Variants in NETO1 observed in about 807,000 individuals in gnomAD.
The protein encoded by NETO1 is neuropilin and tolloid-like protein 1.
A neutral mutation model predicts 61.3 loss-of-function variants in NETO1; 26 were observed. The ratio of observed to expected loss-of-function variants is 0.42; its 90% CI spans 0.31 to 0.59. The LOEUF is 0.59. Among genes scored for constraint, NETO1 ranks in the 20% least tolerant of loss-of-function variants. The pLI is 0.12. For synonymous variants in NETO1, 225 were observed against 225.8 expected (o/e 1.00, Z 0.03); for missense variants, 531 against 662.8 (o/e 0.80, Z 2.18).
At chr18:72,754,794 C>A (rs537554746) in intron 8 of NETO1, among the ~76,000 whole-genome samples, 1 of 152,280 alleles carries the variant, frequency 6.6e-6, no homozygotes, top group East Asian at 1.9e-4. Context: ...AAACAGAAGA[C>A]TTGAACAATG....
At chr18:72,770,480 G>A (rs2071318286) in intron 7 of NETO1, among the ~76,000 whole-genome samples, 1 of 151,952 alleles carries the variant, frequency 6.6e-6, no homozygotes, top group South Asian at 2.1e-4. Context: ...CACACATTCA[G>A]CAATTTTCTC....
At position 72,749,085 on chromosome 18, in the gene NETO1, G is replaced by A. The variant is rs748620374; in HGVS notation, c.1545C>T (p.Phe515=). The A allele has an allele frequency of 6.3e-7, 1 of 1,588,304 alleles. No homozygotes were observed. The highest frequency in any genetic ancestry group is 8.6e-7 in the Non-Finnish European group (1 of 1,156,852). Residue 515 remains phenylalanine, a synonymous_variant, in exon 10 of 11, where the codon TTC becomes TTT. Transcript: ENST00000327305. ...GTTTGCTTAGAGACCCAATGAGGCA[G>A]AACCTGGAATGTTATGGCTATTTCA... ...LSRHDKAVQR[F]CLIGSLSKHE... is the part of the protein sequence containing the mutation.
At chr18:72,792,192 G>A (rs2072142474) in intron 6 of NETO1, among the ~76,000 whole-genome samples, 1 of 152,142 alleles carries the variant, frequency 6.6e-6, no homozygotes, top group African/African-American at 2.4e-5. Flanking sequence ...AGCACTTTGG[G>A]AGGCCGATGT....
chr18:72,774,658 G>A (rs1029349220), intron 7 of NETO1, among the ~76,000 whole-genome samples: 1 of 151,972 alleles, frequency 6.6e-6, no homozygotes, highest in African/African-American at 2.4e-5. Context: ...GGTATTTGTG[G>A]CTTCTTCATC....
At position 72,841,733 on chromosome 18, in the gene NETO1, C is replaced by CAAAAAAAAAAAAAAAA. The variant is rs1341296691; in HGVS notation, c.469+17092_469+17093insTTTTTTTTTTTTTTTT. 1.1e-4 allele frequency among the ~76,000 whole-genome samples: 8 copies of CAAAAAAAAAAAAAAAA among 71,002 alleles called. 4 individuals carry two copies. Among genetic ancestry groups the CAAAAAAAAAAAAAAAA allele is most frequent in the Non-Finnish European group, 1.6e-4 (6 of 38,280 alleles). 46.6% of individuals were successfully genotyped at this position (71,002 alleles called of 152,430 possible). A position where few individuals can be genotyped will look rare whatever the true frequency, so the allele number is the denominator to read the frequency against. The stretch of plus-strand genomic sequence containing the variant: ...TGGGAGACAGAGTGAGACTCTACCT[C>CAAAAAAAAAAAAAAAA]AACAAAAAAAAAAAAAAAAAAAAAG... On this transcript the variant is annotated intron_variant, in intron 4 of 10. Coordinates refer to ENST00000327305, the MANE Select transcript of NETO1 (RefSeq NM_138966.5).
At chr18:72,813,071 C>T (rs767807322) in intron 4 of NETO1, among the ~76,000 whole-genome samples, 1 of 152,110 alleles carries the variant, frequency 6.6e-6, no homozygotes, top group African/African-American at 2.4e-5. Context: ...GATTCACCAC[C>T]ACTTACGTGA....
intron 8 of NETO1, among the ~76,000 whole-genome samples, chr18:72,753,483 AG>A (rs1358981988): frequency 1.3e-5 from 2 of 152,358 alleles, no homozygotes; most frequent in South Asian, 2.1e-4. Flanking sequence ...AGACATTGTG[AG>A]ACTGGCAAAA....
chr18:72,760,349 C>T (rs1449125049), intron 7 of NETO1, among the ~76,000 whole-genome samples: 3 of 152,194 alleles, frequency 2.0e-5, no homozygotes, highest in Non-Finnish European at 4.4e-5. Flanking sequence ...TTGTGCAAAG[C>T]ATTCATTTGT....
intron 4 of NETO1, among the ~76,000 whole-genome samples, chr18:72,849,475 GAGTC>G (rs2074187415): frequency 6.6e-6 from 1 of 152,162 alleles, no homozygotes; most frequent in Admixed American, 6.5e-5. Context: ...CCTTGTGCCA[GAGTC>G]AGTAAGATTC....
In NETO1 at chr18:72,830,326, C is replaced by T. The variant is rs1239988492; in HGVS notation, c.469+28500G>A. 6.6e-6 allele frequency among the ~76,000 whole-genome samples: 1 copy of T among 152,076 alleles called. No homozygotes were observed. Among genetic ancestry groups the T allele is most frequent in the African/African-American group, 2.4e-5 (1 of 41,404 alleles). On this transcript the variant is annotated intron_variant, in intron 4 of 10. Coordinates refer to ENST00000327305, the MANE Select transcript of NETO1 (RefSeq NM_138966.5). This position sits in a 1 kb window ranked among gnomAD's most constrained non-coding sequence, Gnocchi z 4.9. The stretch of plus-strand genomic sequence containing the variant: ...TGAGGCTGCAGCCACACACTCAGCA[C>T]CCTGGACAGCGTCCAAACCCCAGAA...
intron 6 of NETO1, among the ~76,000 whole-genome samples, chr18:72,784,346 G>T (rs2071840905): frequency 1.5e-5 from 2 of 132,418 alleles, no homozygotes; most frequent in Admixed American, 1.7e-4. Flanking sequence ...AAACAAAAAT[G>T]ATACTGAAAG....
rs560023006 is a variant in NETO1, at chr18:72,785,683, G to T, written c.640-1777C>A. On this transcript the variant is annotated intron_variant, in intron 6 of 10. Transcript: ENST00000327305. Reference sequence around the variant, plus strand: ...TAGGCATAGCTGAAATTTGTAACTGGTGTATAATTTTTAAAAAGTCTAAAA... The same window carrying T: ...TAGGCATAGCTGAAATTTGTAACTGTTGTATAATTTTTAAAAAGTCTAAAA... 4.6e-5 allele frequency among the ~76,000 whole-genome samples: 7 copies of T among 152,246 alleles called. No homozygotes were observed. In the East Asian group the frequency reaches 1.2e-3, roughly 25 times the overall value.
intron 7 of NETO1, among the ~76,000 whole-genome samples, chr18:72,769,883 T>A (rs80095001): frequency 0.02 from 3,036 of 152,238 alleles, 105 homozygotes; most frequent in African/African-American, 0.07. Flanking sequence ...TTTTCCATGC[T>A]TATAAATATG....
intron 7 of NETO1, among the ~76,000 whole-genome samples, chr18:72,769,767 C>T (rs1050472595): frequency 6.6e-6 from 1 of 152,052 alleles, no homozygotes; most frequent in Non-Finnish European, 1.5e-5. Context: ...TTGCTTCTAA[C>T]CTCTTGTTTC....
At chr18:72,784,638 T>C (rs944433977) in intron 6 of NETO1, among the ~76,000 whole-genome samples, 4 of 152,232 alleles carry the variant, frequency 2.6e-5, no homozygotes, top group African/African-American at 9.6e-5. Context: ...TGGTATAAAT[T>C]GAAAATTAGA....
intron 4 of NETO1, among the ~76,000 whole-genome samples, chr18:72,797,272 C>T (rs2072348581): frequency 6.6e-6 from 1 of 152,062 alleles, no homozygotes; most frequent in African/African-American, 2.4e-5. Flanking sequence ...TAACTCATGC[C>T]AGGCAATGTA....
chr18:72,819,025 T>C lies in NETO1; in HGVS notation c.470-24621A>G, dbSNP rs376941929. Among the ~76,000 whole-genome samples, 41 of 152,350 alleles carry C rather than the reference T, an allele frequency of 2.7e-4. 1 individual carries two copies. The East Asian group carries it at 7.1e-3, about 27-fold the overall frequency. On this transcript the variant is annotated intron_variant, in intron 4 of 10. Transcript: ENST00000327305. ...AAATGTTTTTGCATAAGAAACTCTATAGAGCTGTCCTTTATTTTTTTAATC... is the reference window on the plus strand; with the variant it reads ...AAATGTTTTTGCATAAGAAACTCTACAGAGCTGTCCTTTATTTTTTTAATC...
chr18:72,818,964 T>G (rs12967151), intron 4 of NETO1, among the ~76,000 whole-genome samples: 61,882 of 152,078 alleles, frequency 0.41, 13,929 homozygotes, highest in Middle Eastern at 0.56. Context: ...CACACACGTT[T>G]AAAATGAATT....
chr18:72,783,291 A>C (rs2145228167), intron 7 of NETO1, among the ~76,000 whole-genome samples: 1 of 152,330 alleles, frequency 6.6e-6, no homozygotes, highest in South Asian at 2.1e-4. Flanking sequence ...CTGCAAAAGA[A>C]GCTTACTAAA....
Sources: gnomAD v4.1 joint callset for allele counts (sites outside exome capture counted in the v4.1 genomes callset) on GRCh38, gnomAD v4.1.1 for gene constraint, Gnocchi (gnomAD v3.1) non-coding constraint, MANE v1.5 for transcripts, NCBI Gene and HGNC (gene_info 2026-07-23, HGNC 2026-07-21) for gene names.